The following DDX59 variants were observed in gnomAD, a reference collection of about 807,000 sequenced individuals.
The protein encoded by DDX59 is probable ATP-dependent RNA helicase DDX59.
A neutral mutation model predicts 51.9 loss-of-function variants in DDX59; 30 were observed. The observed-to-expected ratio is 0.58, with a 90% CI of 0.43 to 0.78. The LOEUF is 0.78. Ranked by LOEUF, DDX59 falls within the 30% of genes least tolerant of loss-of-function variation. The pLI, the probability that DDX59 is intolerant of heterozygous loss-of-function variation, is 0.00. For synonymous variants in DDX59, 255 were observed against 253.3 expected, an observed-to-expected ratio of 1.01 and a Z score of -0.06; for missense variants, 672 against 730.8, an observed-to-expected ratio of 0.92 and a Z score of 0.93.
chr1:200,658,263 T>C (rs1030294789), intron 4 of DDX59, among the ~76,000 whole-genome samples: 12 of 152,212 alleles, frequency 7.9e-5, no homozygotes, highest in African/African-American at 2.2e-4. Flanking sequence ...TATGTTCCCA[T>C]GGCAGAATAT....
At position 200,666,093 on chromosome 1, in the gene DDX59, G is replaced by A; in HGVS notation, c.648C>T (p.His216=). ...EHCSLPEVLN[H]NLKKSGYEVP... ...CCTCATAGCCTGATTTCTTCAAGTT[G>A]TGATTTAAGACCTCAGGGAGACTAC... is the stretch of plus-strand genomic sequence containing the variant. The change falls in exon 2 of 8, where the codon CAC becomes CAT. Residue 216 remains histidine, a synonymous_variant. Coordinates refer to ENST00000331314, the MANE Select transcript of DDX59 (RefSeq NM_001031725.6). 6.2e-7 allele frequency: 1 copy of A among 1,614,210 alleles called. No homozygotes were observed. Among genetic ancestry groups the A allele is most frequent in the Non-Finnish European group, 8.5e-7 (1 of 1,180,034 alleles).
intron 4 of DDX59, chr1:200,654,428 A>C (rs954184787): frequency 1.4e-4 from 22 of 152,074 alleles, no homozygotes; most frequent in African/African-American, 4.8e-4. Context: ...GGGAAAAAAA[A>C]CAAAAGGATC....
intron 2 of DDX59, 140 bp downstream of exon 2, chr1:200,665,797 A>G: frequency 1.2e-6 from 1 of 841,944 alleles, no homozygotes. Flanking sequence ...ATCAGAAGCA[A>G]AATCACTACA....
intron 1 of DDX59, among the ~76,000 whole-genome samples, chr1:200,668,507 G>A (rs983196609): frequency 1.3e-5 from 2 of 152,078 alleles, no homozygotes; most frequent in African/African-American, 2.4e-5. Context: ...CTCATCAGAT[G>A]GGTTTTATTT....
chr1:200,647,710 G>A (rs1661376458), intron 7 of DDX59, among the ~76,000 whole-genome samples: 1 of 151,606 alleles, frequency 6.6e-6, no homozygotes, highest in South Asian at 2.1e-4. Flanking sequence ...GGTGGCTCAC[G>A]CCTGTAATTC....
downstream of DDX59, chr1:200,641,318 A>C (rs1558108823): frequency 2.4e-6 from 2 of 843,630 alleles, no homozygotes; most frequent in East Asian, 1.3e-4. Context: ...TCCAGCTTAG[A>C]TTTATTAAAT....
chr1:200,649,080 T>C lies in DDX59; in HGVS notation c.1461A>G (p.Ile487Met). 1 of 1,561,198 alleles carries C rather than the reference T, an allele frequency of 6.4e-7. No individual in the cohort carries two copies. The highest frequency in any genetic ancestry group is 8.6e-7 in the Non-Finnish European group (1 of 1,161,546). ...AGAATATTGGGTGTCAAACCTTCAA[T>C]ATGTTTTTCCTTTCTATTTGCGACT... is the stretch of plus-strand genomic sequence containing the variant. ...SEKSQIERKNILKGLLEGDYE... is the reference protein window; with the variant it reads ...SEKSQIERKNMLKGLLEGDYE... The change falls in exon 6 of 8, where the codon ATA (isoleucine) becomes ATG (methionine). Residue 487 changes from isoleucine to methionine, a missense_variant. By Grantham distance (10) the Ile-to-Met change is conservative. Transcript: ENST00000331314.
rs1661140329 is a variant in DDX59 at position 200,644,129 on chromosome 1, T to C, written c.*125A>G. 8.0e-6 allele frequency: 6 copies of C among 748,588 alleles called. No individual in the cohort carries two copies. In the Admixed American group the frequency reaches 1.4e-4, roughly 17 times the overall value. 46.4% of individuals were successfully genotyped at this position (748,588 alleles called of 1,614,324 possible). ...AAGGGAAATAAATACAATATAGTTA[T>C]ATAAATTTTATTAAATTAAAAATAT... On this transcript the variant is annotated 3_prime_UTR_variant, in exon 8 of 8. Transcript: ENST00000331314.
intron 7 of DDX59, among the ~76,000 whole-genome samples, chr1:200,645,978 T>C (rs1173877347): frequency 6.6e-6 from 1 of 152,108 alleles, no homozygotes; most frequent in Non-Finnish European, 1.5e-5. Context: ...TATTTCTCTA[T>C]AAAAGTCCAC....
In DDX59 at chr1:200,644,151, A is replaced by G; in HGVS notation, c.*103T>C. On this transcript the variant is annotated 3_prime_UTR_variant, in exon 8 of 8. Coordinates refer to ENST00000331314, the MANE Select transcript of DDX59 (RefSeq NM_001031725.6). ...TTATATAAATTTTATTAAATTAAAA[A>G]TATCTTAAAATTTTTAAAATTCATG... 23 of 924,290 alleles carry G rather than the reference A, an allele frequency of 2.5e-5. No individual in the cohort carries two copies. Among genetic ancestry groups the G allele is most frequent in the Non-Finnish European group, 3.2e-5 (23 of 711,990 alleles). 57.3% of individuals were successfully genotyped at this position (924,290 alleles called of 1,614,324 possible). A position where few individuals can be genotyped will look rare whatever the true frequency, so the allele number is the denominator to read the frequency against.
chr1:200,644,016 AAAAAGAAAAAAGAAACTTCATCCAG>A (rs1661134228), exon 8 of DDX59: 1 of 428,166 alleles, frequency 2.3e-6, no homozygotes, highest in African/African-American at 2.1e-5. Flanking sequence ...TGTTTATTTT[AAAAAGAAAAAAGAAACTTCATCCAG>A]AAAAGAAAAC....
intron 4 of DDX59, among the ~76,000 whole-genome samples, chr1:200,653,131 C>T (rs1013317819): frequency 1.5e-4 from 23 of 151,712 alleles, no homozygotes; most frequent in Admixed American, 1.1e-3. Context: ...ATAAGATCAA[C>T]AAATTCCACG....
intron 1 of DDX59, among the ~76,000 whole-genome samples, chr1:200,668,509 G>A (rs983291486): frequency 1.3e-5 from 2 of 152,048 alleles, no homozygotes; most frequent in African/African-American, 4.8e-5. Flanking sequence ...CATCAGATGG[G>A]TTTTATTTAA....
rs1661999742 is a variant in DDX59 at position 200,656,016 on chromosome 1, G to T, written c.1062+3011C>A. Among the ~76,000 whole-genome samples the T allele has an allele frequency of 2.0e-5, 3 of 152,306 alleles. 1 individual carries two copies. Among genetic ancestry groups the T allele is most frequent in the South Asian group, 4.1e-4 (2 of 4,832 alleles). ...CAGCTAATTTTGTATTTTTAGTAAA[G>T]ATGGGGTTTCTCCATGTTGGTCAGG... On this transcript the variant is annotated intron_variant, in intron 4 of 7. Transcript: ENST00000331314.
chr1:200,649,810 A>G (rs1415997583), intron 5 of DDX59, among the ~76,000 whole-genome samples: 1 of 151,780 alleles, frequency 6.6e-6, no homozygotes, highest in Non-Finnish European at 1.5e-5. Context: ...ACATGCTGCT[A>G]CCAAGTCAAT....
At chr1:200,668,286 C>A (rs950419430) in intron 1 of DDX59, among the ~76,000 whole-genome samples, 6 of 146,244 alleles carry the variant, frequency 4.1e-5, no homozygotes, top group African/African-American at 1.3e-4. Context: ...CCAGCCTGGG[C>A]AACAGAGCAA....
Position 200,666,647 on chromosome 1 carries a change from G to A in DDX59, c.94C>T (p.Leu32Phe), listed in dbSNP as rs770016403. 1.1e-5 allele frequency: 17 copies of A among 1,614,018 alleles called. No homozygotes were observed. Among genetic ancestry groups the A allele is most frequent in the Admixed American group, 1.7e-5 (1 of 59,996 alleles). ...AKIIKPDPED[L>F]QLDKSRDVPV... ...ACATCTCTGCTTTTGTCCAACTGAAGGTCTTCTGGGTCTGGTTTAATTATC... is the reference window on the plus strand; with the variant it reads ...ACATCTCTGCTTTTGTCCAACTGAAAGTCTTCTGGGTCTGGTTTAATTATC... The change falls in exon 2 of 8, where the codon CTT (leucine) becomes TTT (phenylalanine). Residue 32 changes from leucine to phenylalanine, a missense_variant. Coordinates refer to ENST00000331314, the MANE Select transcript of DDX59 (RefSeq NM_001031725.6).
downstream of DDX59, among the ~76,000 whole-genome samples, chr1:200,641,774 G>A (rs543340495): frequency 7.4e-4 from 112 of 152,282 alleles, no homozygotes; most frequent in African/African-American, 2.6e-3. Context: ...GGAGGTCGAG[G>A]TGGGTGGATC....
At chr1:200,642,492 A>T (rs1661077330), downstream of DDX59, among the ~76,000 whole-genome samples, 1 of 152,196 alleles carries the variant, frequency 6.6e-6, no homozygotes, top group Non-Finnish European at 1.5e-5. Context: ...AAATTTTTTT[A>T]AAAGTCTAAT....
Sources: gnomAD v4.1 joint callset for allele counts (sites outside exome capture counted in the v4.1 genomes callset) on GRCh38, gnomAD v4.1.1 for gene constraint, MANE v1.5 for transcripts, NCBI Gene and HGNC (gene_info 2026-07-23, HGNC 2026-07-21) for gene names.